BPNT2: variants seen among roughly 807,000 people sequenced by gnomAD.
The protein encoded by BPNT2 is Golgi-resident adenosine 3',5'-bisphosphate 3'-phosphatase.
In BPNT2, 11 loss-of-function variants were observed where a neutral mutation model predicts 29.3. The observed-to-expected ratio is 0.38, with a 90% CI of 0.24 to 0.62. BPNT2 has a LOEUF of 0.62. BPNT2 is among the 20% of genes least tolerant of loss of function. BPNT2 has a pLI of 0.62. For synonymous variants in BPNT2, 195 were observed against 187.7 expected (o/e 1.04, Z -0.32); for missense variants, 459 against 473.4 (o/e 0.97, Z 0.28).
chr8:56,989,234 G>T (rs1042472035), intron 1 of BPNT2, among the ~76,000 whole-genome samples: 2 of 152,008 alleles, frequency 1.3e-5, no homozygotes, highest in African/African-American at 4.8e-5. Context: ...TTAGCTGGGC[G>T]TGGTGGCGGC....
chr8:56,964,306 A>G (rs1164614270), intron 4 of BPNT2: 2 of 357,306 alleles, frequency 5.6e-6, no homozygotes, highest in Admixed American at 4.5e-5. Context: ...TTATTTATTT[A>G]TTTATTTTTT....
At chr8:56,976,243 C>A (rs1018319309) in intron 3 of BPNT2, among the ~76,000 whole-genome samples, 8 of 152,268 alleles carry the variant, frequency 5.3e-5, no homozygotes, top group Middle Eastern at 6.8e-3. Flanking sequence ...AGCAAAGCAA[C>A]AATAGAGATA....
Position 56,959,277 on chromosome 8 carries a change from C to G in BPNT2, c.*4516G>C, listed in dbSNP as rs1805788352. 1 of 152,110 alleles carries G rather than the reference C, an allele frequency of 6.6e-6. No homozygotes were observed. The highest frequency in any genetic ancestry group is 2.4e-5 in the African/African-American group (1 of 41,426). 9.4% of individuals were successfully genotyped at this position (152,110 alleles called of 1,614,324 possible). On this transcript the variant is annotated 3_prime_UTR_variant, in exon 5 of 5. Transcript: ENST00000262644. ...TTTCCCACAAAATTAATTCAACATC[C>G]AACCTTAAAAATAAATAAAGCTTTG...
intron 3 of BPNT2, among the ~76,000 whole-genome samples, chr8:56,976,698 A>C (rs1806145587): frequency 6.6e-6 from 1 of 152,178 alleles, no homozygotes; most frequent in South Asian, 2.1e-4. Flanking sequence ...CAAATACATA[A>C]TTTTAGAGTA....
chr8:56,967,365 T>C (rs1563405356), intron 3 of BPNT2: 2 of 402,528 alleles, frequency 5.0e-6, no homozygotes, highest in Non-Finnish European at 9.8e-6. Flanking sequence ...CCATGCTCTG[T>C]ACCTACAGAG....
Position 56,959,980 on chromosome 8 carries a change from G to C in BPNT2, c.*3813C>G, listed in dbSNP as rs886618904. 2.0e-5 allele frequency: 3 copies of C among 152,096 alleles called. No homozygotes were observed. Among genetic ancestry groups the C allele is most frequent in the South Asian group, 2.1e-4 (1 of 4,824 alleles). 9.4% of individuals were successfully genotyped at this position (152,096 alleles called of 1,614,324 possible). On this transcript the variant is annotated 3_prime_UTR_variant, in exon 5 of 5. Coordinates refer to ENST00000262644, the MANE Select transcript of BPNT2 (RefSeq NM_017813.5). ...TATTTTATACAACAGTTACAAGACA[G>C]ACCTTTTGTAGGCATATAAATACAT...
chr8:56,979,110 G>A (rs1366019280), intron 2 of BPNT2, among the ~76,000 whole-genome samples: 2 of 152,082 alleles, frequency 1.3e-5, no homozygotes, highest in East Asian at 1.9e-4. Flanking sequence ...AAACAAAAGA[G>A]TTCTGGTTCT....
At chr8:56,975,441 G>GTCTT (rs1806116499) in intron 3 of BPNT2, among the ~76,000 whole-genome samples, 1 of 152,098 alleles carries the variant, frequency 6.6e-6, no homozygotes, top group South Asian at 2.1e-4. Flanking sequence ...CTTAGGCTCT[G>GTCTT]TCTTTAACTT....
chr8:56,963,690 G>T lies in BPNT2; in HGVS notation c.*103C>A. On this transcript the variant is annotated 3_prime_UTR_variant, in exon 5 of 5. Transcript: ENST00000262644. ...TTCATAAATACTTTAAAAAGTTCGG[G>T]ATGGCCTTAACCATGCATAGTCTCC... 7.6e-7 allele frequency: 1 copy of T among 1,323,784 alleles called. No homozygotes were observed. The highest frequency in any genetic ancestry group is 1.2e-5 in the South Asian group (1 of 82,694). 82.0% of individuals were successfully genotyped at this position (1,323,784 alleles called of 1,614,324 possible).
intron 1 of BPNT2, among the ~76,000 whole-genome samples, chr8:56,983,996 G>T (rs1315936854): frequency 6.6e-6 from 1 of 151,848 alleles, no homozygotes; most frequent in Non-Finnish European, 1.5e-5. Context: ...TCAGATGAAT[G>T]AAGATAACAG....
chr8:56,974,033 CAA>C lies in BPNT2; in HGVS notation c.646+4015_646+4016del, dbSNP rs1806083647. On this transcript the variant is annotated intron_variant, in intron 3 of 4. Transcript: ENST00000262644. ...CTCCTCTGCCTATTCAATGTGAAGACAAAGAGGATGAAGACCTTTAGGATAAG... is the reference window on the plus strand; with the variant it reads ...CTCCTCTGCCTATTCAATGTGAAGACAGAGGATGAAGACCTTTAGGATAAG... Among the ~76,000 whole-genome samples the C allele has an allele frequency of 2.0e-5, 3 of 152,098 alleles. No homozygotes were observed. In the South Asian group the frequency reaches 6.2e-4, roughly 32 times the overall value.
rs1287000730 is a variant in BPNT2 at position 56,963,505 on chromosome 8, T to C, written c.*288A>G. ...GTGAAAATGGTGACTCATAACAATG[T>C]AGACTCAGCTACAGATTTTAATTCA... On this transcript the variant is annotated 3_prime_UTR_variant, in exon 5 of 5. Coordinates refer to ENST00000262644, the MANE Select transcript of BPNT2 (RefSeq NM_017813.5). The C allele has an allele frequency of 2.7e-6, 1 of 372,096 alleles. No individual in the cohort carries two copies. Among genetic ancestry groups the C allele is most frequent in the African/African-American group, 2.0e-5 (1 of 49,034 alleles). 23.0% of individuals were successfully genotyped at this position (372,096 alleles called of 1,614,324 possible). A position where few individuals can be genotyped will look rare whatever the true frequency, so the allele number is the denominator to read the frequency against.
intron 2 of BPNT2, 34 bp downstream of exon 2, chr8:56,980,001 C>A: frequency 1.2e-6 from 2 of 1,606,176 alleles, no homozygotes; most frequent in South Asian, 2.2e-5. Context: ...TACTAAACGT[C>A]AATCAAATGT....
At position 56,978,051 on chromosome 8, in the gene BPNT2, T is replaced by C. The variant is rs1161668366; in HGVS notation, c.645A>G (p.Thr215=). 2.6e-6 allele frequency: 4 copies of C among 1,556,178 alleles called. No individual in the cohort carries two copies. Among genetic ancestry groups the C allele is most frequent in the Middle Eastern group, 1.7e-4 (1 of 5,958 alleles). Residue 215 remains threonine, a splice_region_variant and synonymous_variant, in exon 3 of 5, where the codon ACA becomes ACG. Transcript: ENST00000262644. ...GVIHKPFSEY[T]AWAMVDGGSN... ...TGAAAGTTCTAGCAAATTTCATACC[T>C]GTATATTCGGAAAATGGCTTATGTA...
Position 56,993,326 on chromosome 8 carries a change from C to A in BPNT2, c.260G>T (p.Ser87Ile). ...GGDEVRRVRESNVLHEKSKGK... is the reference protein window; with the variant it reads ...GGDEVRRVREINVLHEKSKGK... ...CTTGGACTTCTCGTGGAGGACGTTG[C>A]TCTCGCGGACGCGCCTCACCTCGTC... Residue 87 changes from serine (S) to isoleucine (I), a missense_variant, in exon 1 of 5, where the codon AGC (serine) becomes ATC (isoleucine). Coordinates refer to ENST00000262644, the MANE Select transcript of BPNT2 (RefSeq NM_017813.5). 6.2e-7 allele frequency: 1 copy of A among 1,611,732 alleles called. No homozygotes were observed.
Position 56,980,146 on chromosome 8 carries a change from C to T in BPNT2, c.439G>A (p.Asp147Asn), listed in dbSNP as rs761335643. 2 of 1,612,596 alleles carry T rather than the reference C, an allele frequency of 1.2e-6. No individual in the cohort carries two copies. The highest frequency in any genetic ancestry group is 1.7e-5 in the Admixed American group (1 of 60,008). Residue 147 changes from aspartate to asparagine, a missense_variant, in exon 2 of 5, where the codon GAT (aspartate) becomes AAT (asparagine). Physicochemically the swap from Asp to Asn is conservative, Grantham distance 23. Coordinates refer to ENST00000262644, the MANE Select transcript of BPNT2 (RefSeq NM_017813.5). ...AGGATATCCTCAGGAATCTTATGAT[C>T]CCACAAGATAACCTCCTGATCAGCT... Reference protein sequence around the residue: ...DAADQEVILWDHKIPEDILKE... With the variant: ...DAADQEVILWNHKIPEDILKE...
chr8:56,990,298 A>T (rs1806397674), intron 1 of BPNT2, among the ~76,000 whole-genome samples: 1 of 152,128 alleles, frequency 6.6e-6, no homozygotes, highest in South Asian at 2.1e-4. Context: ...CAAAACTATA[A>T]ATCTCAGTTT....
intron 1 of BPNT2, among the ~76,000 whole-genome samples, chr8:56,989,372 TAA>T (rs56741190): frequency 1.4e-3 from 179 of 131,152 alleles, no homozygotes; most frequent in African/African-American, 1.9e-3. Context: ...ACACCATCTT[TAA>T]AAAAAAAAAA....
At chr8:56,976,652 C>T (rs879628644) in intron 3 of BPNT2, among the ~76,000 whole-genome samples, 1 of 152,156 alleles carries the variant, frequency 6.6e-6, no homozygotes, top group Admixed American at 6.6e-5. Context: ...AATCTCAGAG[C>T]AGCCAGAATT....
Sources: gnomAD v4.1 joint callset for allele counts (sites outside exome capture counted in the v4.1 genomes callset) on GRCh38, gnomAD v4.1.1 for gene constraint, MANE v1.5 for transcripts, NCBI Gene and HGNC (gene_info 2026-07-23, HGNC 2026-07-21) for gene names.